The following TUSC3 variants were observed in gnomAD, a reference collection of about 807,000 sequenced individuals.
TUSC3 encodes dolichyl-diphosphooligosaccharide--protein glycosyltransferase subunit TUSC3.
Under a neutral mutation model 44.8 loss-of-function variants are expected in TUSC3, and 45 were observed. That is an observed-to-expected ratio of 1.00 (90% CI 0.79 to 1.29). The LOEUF is 1.29. Among genes scored for constraint, TUSC3 ranks in the 50% most tolerant of loss-of-function variants. The pLI is 0.00. For synonymous variants in TUSC3, 212 were observed against 152.9 expected, an observed-to-expected ratio of 1.39 and a Z score of -2.85; for missense variants, 519 against 437.9, an observed-to-expected ratio of 1.19 and a Z score of -1.65.
At position 15,759,781 on chromosome 8, in the gene TUSC3, G is replaced by A. The variant is rs141017673; in HGVS notation, c.*46+1926G>A. Among the ~76,000 whole-genome samples, 1,060 of 152,168 alleles carry A rather than the reference G, an allele frequency of 7.0e-3. 3 individuals are homozygous for A. The highest frequency in any genetic ancestry group is 8.9e-3 in the Non-Finnish European group (606 of 68,012). ...GTCCTGACCTTTCTCATGACATCCA[G>A]AACCAGACCTGAATACCACATTAAC... On this transcript the variant is annotated intron_variant, in intron 10 of 10. Transcript: ENST00000503731.
chr8:15,465,451 C>T (rs1194312125), intron 1 of TUSC3, among the ~76,000 whole-genome samples: 1 of 152,140 alleles, frequency 6.6e-6, no homozygotes, highest in South Asian at 2.1e-4. Flanking sequence ...GAAATTTTCA[C>T]TTAAAATGAT....
intron 6 of TUSC3, among the ~76,000 whole-genome samples, chr8:15,726,951 A>G (rs577177375): frequency 6.6e-6 from 1 of 152,194 alleles, no homozygotes; most frequent in Non-Finnish European, 1.5e-5. Context: ...TTTCTTGACT[A>G]TTCACCTGAT....
the TUSC3 span, among the ~76,000 whole-genome samples, chr8:15,827,539 G>C: frequency 6.6e-6 from 1 of 152,028 alleles, no homozygotes; most frequent in Non-Finnish European, 1.5e-5. Context: ...AGTAAAAATG[G>C]CTTCAGAAAA....
At chr8:15,673,612 A>T (rs1186560017) in intron 5 of TUSC3, 135 bp from the exon 6 acceptor site, 5 of 731,900 alleles carry the variant, frequency 6.8e-6, no homozygotes, top group Non-Finnish European at 1.2e-5. Context: ...ATAGTTAATA[A>T]GTGAAATTTT....
chr8:15,748,885 C>T (rs1811541955), intron 9 of TUSC3: 3 of 387,614 alleles, frequency 7.7e-6, no homozygotes, highest in African/African-American at 2.1e-5. Context: ...TAAGAGCCAA[C>T]ATGAAAGGGA....
chr8:15,551,708 A>G (rs1212081602), intron 1 of TUSC3, among the ~76,000 whole-genome samples: 1 of 151,746 alleles, frequency 6.6e-6, no homozygotes, highest in East Asian at 1.9e-4. Flanking sequence ...TGTCTTAGTC[A>G]TTACTGCCGG....
chr8:15,521,347 AC>A (rs571159575), intron 2 of TUSC3, among the ~76,000 whole-genome samples: 24 of 152,076 alleles, frequency 1.6e-4, no homozygotes, highest in Admixed American at 1.5e-3. Flanking sequence ...CTGGTGGGGG[AC>A]CTGTCACACT....
At chr8:15,497,429 C>T (rs558070521) in intron 2 of TUSC3, among the ~76,000 whole-genome samples, 7 of 152,272 alleles carry the variant, frequency 4.6e-5, no homozygotes, top group Admixed American at 1.3e-4. Context: ...GTTTGCTAAA[C>T]GAACATGTTA....
intron 2 of TUSC3, among the ~76,000 whole-genome samples, chr8:15,646,422 C>G (rs1397576833): frequency 6.6e-6 from 1 of 151,990 alleles, no homozygotes; most frequent in Non-Finnish European, 1.5e-5. Context: ...AGGCTAGAAT[C>G]TACAAATTGG....
downstream of TUSC3, chr8:15,766,755 C>T (rs1023462765): frequency 4.6e-5 from 7 of 152,030 alleles, no homozygotes; most frequent in Admixed American, 3.9e-4. Flanking sequence ...TTGCTGTAAC[C>T]GTAGAGCGTG....
intron 2 of TUSC3, among the ~76,000 whole-genome samples, chr8:15,503,314 T>C (rs951613385): frequency 6.6e-6 from 1 of 152,158 alleles, no homozygotes; most frequent in Non-Finnish European, 1.5e-5. Flanking sequence ...TCCTGTATCT[T>C]AGACTTGTAG....
intron 1 of TUSC3, among the ~76,000 whole-genome samples, chr8:15,476,221 T>C (rs537989141): frequency 6.6e-6 from 1 of 152,318 alleles, no homozygotes; most frequent in South Asian, 2.1e-4. Flanking sequence ...TCTAATCCAA[T>C]GTGAACCCTG....
At chr8:15,542,491 G>A (rs1294655536) in intron 1 of TUSC3, among the ~76,000 whole-genome samples, 1 of 151,914 alleles carries the variant, frequency 6.6e-6, no homozygotes, top group Non-Finnish European at 1.5e-5. Context: ...ATATGCCCTC[G>A]GTGGAGAAGA....
At chr8:15,533,023 C>T (rs1463189529) in intron 2 of TUSC3, among the ~76,000 whole-genome samples, 1 of 152,152 alleles carries the variant, frequency 6.6e-6, no homozygotes, top group African/African-American at 2.4e-5. Flanking sequence ...GAACTCCTGA[C>T]CTTGGTGTTC....
Position 15,443,755 on chromosome 8 carries a change from C to T in TUSC3, n.91+26450C>T, listed in dbSNP as rs116687935. Reference sequence around the variant, plus strand: ...ATGGTTTAGGAGTCACGCAGCTGGGCGCTACAAGATTCTCACCCTCCCTAA... The same window carrying T: ...ATGGTTTAGGAGTCACGCAGCTGGGTGCTACAAGATTCTCACCCTCCCTAA... On this transcript the variant is annotated intron_variant and non_coding_transcript_variant, in intron 1 of 5. Transcript: ENST00000503191. Among the ~76,000 whole-genome samples, 1,199 of 152,228 alleles carry T rather than the reference C, an allele frequency of 7.9e-3. 21 individuals carry two copies. Among genetic ancestry groups the T allele is most frequent in the African/African-American group, 0.027 (1,134 of 41,526 alleles).
intron 7 of TUSC3, among the ~76,000 whole-genome samples, chr8:15,738,827 C>CTTTTTTTTTCTTTCTTTTTTTTT (rs1554484836): frequency 4.6e-5 from 4 of 87,202 alleles, no homozygotes; most frequent in African/African-American, 1.9e-4. Flanking sequence ...ATATATCTTG[C>CTTTTTTTTTCTTTCTTTTTTTTT]TTTTTTTTTT....
the TUSC3 span, among the ~76,000 whole-genome samples, chr8:15,810,027 G>C: frequency 6.6e-6 from 1 of 152,164 alleles, no homozygotes; most frequent in Non-Finnish European, 1.5e-5. Flanking sequence ...CTTACATGCT[G>C]TTGGATAATG....
At chr8:15,606,046 T>C (rs113671775) in intron 1 of TUSC3, among the ~76,000 whole-genome samples, 4,032 of 152,060 alleles carry the variant, frequency 0.027, 64 homozygotes, top group African/African-American at 0.031. Flanking sequence ...AATGTAATAG[T>C]GTAAACCTTG....
intron 2 of TUSC3, among the ~76,000 whole-genome samples, chr8:15,502,888 C>T (rs1024028580): frequency 3.9e-5 from 6 of 152,202 alleles, no homozygotes; most frequent in African/African-American, 1.4e-4. Context: ...GTGAGTTACT[C>T]ATTTTACTCC....
Sources: allele counts gnomAD v4.1 joint callset (sites outside exome capture counted in the v4.1 genomes callset), GRCh38; gene constraint gnomAD v4.1.1; transcripts MANE v1.5; gene names NCBI Gene and HGNC (gene_info 2026-07-23, HGNC 2026-07-21).